The following RASGRF2 variants were observed in gnomAD, a reference collection of about 807,000 sequenced individuals.
RASGRF2 encodes Ras protein specific guanine nucleotide releasing factor 2.
A neutral mutation model predicts 151.0 loss-of-function variants in RASGRF2; 76 were observed. The observed-to-expected ratio is 0.50, with a 90% confidence interval of 0.42 to 0.61. The LOEUF (loss-of-function observed/expected upper bound fraction) is 0.61. Ranked by LOEUF, RASGRF2 falls within the 20% of genes least tolerant of loss-of-function variation. The pLI is 0.00. For synonymous variants in RASGRF2, 504 were observed against 566.5 expected (o/e 0.89, Z 1.57); for missense variants, 1,148 against 1,564.6 (o/e 0.73, Z 4.49).
intron 5 of RASGRF2, among the ~76,000 whole-genome samples, chr5:81,078,153 G>T (rs1459407954): frequency 1.3e-5 from 2 of 152,058 alleles, no homozygotes; most frequent in Non-Finnish European, 2.9e-5. Context: ...TATTTATGAG[G>T]TATATGTTAT....
chr5:81,229,107 T>G lies in RASGRF2; in HGVS notation c.*3337T>G, dbSNP rs1292843622. On this transcript the variant is annotated 3_prime_UTR_variant, in exon 27 of 27. Transcript: ENST00000265080. Reference sequence around the variant, plus strand: ...AAAGAGTAATGCAATACAGGGATTATTCCCAATAAAATTAACTTTTATTTA... The same window carrying G: ...AAAGAGTAATGCAATACAGGGATTAGTCCCAATAAAATTAACTTTTATTTA... The G allele has an allele frequency of 1.3e-5, 2 of 152,162 alleles. No individual in the cohort carries two copies. The highest frequency in any genetic ancestry group is 4.8e-5 in the African/African-American group (2 of 41,432). 9.4% of individuals were successfully genotyped at this position (152,162 alleles called of 1,614,324 possible). A position where few individuals can be genotyped will look rare whatever the true frequency, so the allele number is the denominator to read the frequency against.
At chr5:81,043,495 A>G (rs1750742544) in intron 2 of RASGRF2, among the ~76,000 whole-genome samples, 1 of 152,200 alleles carries the variant, frequency 6.6e-6, no homozygotes, top group South Asian at 2.1e-4. Context: ...TCCTCTATTT[A>G]AAGAAATAGA....
At chr5:81,060,976 A>G (rs1313031696) in intron 2 of RASGRF2, among the ~76,000 whole-genome samples, 1 of 151,910 alleles carries the variant, frequency 6.6e-6, no homozygotes, top group Non-Finnish European at 1.5e-5. Flanking sequence ...CTGTGTATAC[A>G]CTTAATTTTC....
chr5:81,100,118 A>G (rs1752660716), intron 12 of RASGRF2, among the ~76,000 whole-genome samples: 1 of 152,016 alleles, frequency 6.6e-6, no homozygotes, highest in Non-Finnish European at 1.5e-5. Flanking sequence ...CGTGTTAGCC[A>G]GGATGGTCTC....
At chr5:81,217,937 T>C (rs964174767) in intron 25 of RASGRF2, among the ~76,000 whole-genome samples, 7 of 152,046 alleles carry the variant, frequency 4.6e-5, no homozygotes, top group Admixed American at 4.6e-4. Flanking sequence ...AGAGACGGGG[T>C]TTCACTGTGT....
At chr5:81,149,610 T>C (rs1754088407) in intron 17 of RASGRF2, among the ~76,000 whole-genome samples, 2 of 151,706 alleles carry the variant, frequency 1.3e-5, no homozygotes. Context: ...CACCTGAAAC[T>C]GTTGAAATAA....
At chr5:81,195,933 G>A (rs1189484442) in intron 18 of RASGRF2, among the ~76,000 whole-genome samples, 1 of 152,160 alleles carries the variant, frequency 6.6e-6, no homozygotes, top group Non-Finnish European at 1.5e-5. Flanking sequence ...TTCCTGACTT[G>A]TCTGATGCTG....
intron 18 of RASGRF2, among the ~76,000 whole-genome samples, chr5:81,200,774 G>A (rs1755370366): frequency 6.6e-6 from 1 of 152,230 alleles, no homozygotes; most frequent in South Asian, 2.1e-4. Flanking sequence ...ATCCCACTGG[G>A]TGAATTAAGA....
intron 1 of RASGRF2, among the ~76,000 whole-genome samples, chr5:80,971,601 T>C (rs566810490): frequency 2.4e-4 from 36 of 150,746 alleles, no homozygotes; most frequent in African/African-American, 8.5e-4. Context: ...TTTCTTACTC[T>C]GTCATCCAGG....
At chr5:81,177,658 A>G (rs1754806603) in intron 17 of RASGRF2, among the ~76,000 whole-genome samples, 2 of 151,366 alleles carry the variant, frequency 1.3e-5, no homozygotes, top group Admixed American at 1.3e-4. Flanking sequence ...TGATAATCAC[A>G]TCAATAAGTG....
intron 17 of RASGRF2, among the ~76,000 whole-genome samples, chr5:81,167,309 A>C (rs1364718460): frequency 6.6e-6 from 1 of 152,194 alleles, no homozygotes; most frequent in African/African-American, 2.4e-5. Flanking sequence ...TGAGGACTGG[A>C]GGCCAACCAA....
intron 5 of RASGRF2, among the ~76,000 whole-genome samples, chr5:81,077,633 G>A (rs991917058): frequency 6.6e-6 from 1 of 152,226 alleles, no homozygotes; most frequent in Non-Finnish European, 1.5e-5. Flanking sequence ...GGAGCCTGGG[G>A]GTAGCCCTTG....
intron 1 of RASGRF2, among the ~76,000 whole-genome samples, chr5:81,041,189 C>G (rs565082590): frequency 9.9e-5 from 15 of 151,772 alleles, no homozygotes; most frequent in Non-Finnish European, 1.9e-4. Context: ...GTAATCCTAG[C>G]TACTCAGGAG....
intron 18 of RASGRF2, among the ~76,000 whole-genome samples, chr5:81,198,539 A>G (rs1462192357): frequency 1.4e-4 from 21 of 151,896 alleles, no homozygotes; most frequent in Admixed American, 1.4e-3. Flanking sequence ...TGCCGGGTTC[A>G]CACCATTCTC....
At chr5:81,156,594 GTATGAT>G (rs1478182498) in intron 17 of RASGRF2, among the ~76,000 whole-genome samples, 1 of 151,956 alleles carries the variant, frequency 6.6e-6, no homozygotes, top group Non-Finnish European at 1.5e-5. Flanking sequence ...GATAAAAACC[GTATGAT>G]TATCTTAAAA....
intron 17 of RASGRF2, among the ~76,000 whole-genome samples, chr5:81,139,424 CAG>C (rs1753831918): frequency 7.1e-6 from 1 of 140,598 alleles, no homozygotes; most frequent in Admixed American, 7.4e-5. Context: ...TTTTTTGAGA[CAG>C]AGTCTCGGTG....
rs150552124 is a variant in RASGRF2 at position 80,961,524 on chromosome 5, A to T, written c.288+498A>T. ...CAAGCGGGGCTCCCAAGCCGGACAG[A>T]CACTTTCTGTTGGTCATTTTCAATC... is the stretch of plus-strand genomic sequence containing the variant. On this transcript the variant is annotated intron_variant, in intron 1 of 26. Coordinates refer to ENST00000265080, the MANE Select transcript of RASGRF2 (RefSeq NM_006909.3). Among the ~76,000 whole-genome samples the T allele has an allele frequency of 1.8e-4, 27 of 152,290 alleles. No individual in the cohort carries two copies. In the East Asian group the frequency reaches 4.2e-3, roughly 24 times the overall value.
intron 1 of RASGRF2, among the ~76,000 whole-genome samples, chr5:81,009,301 G>T (rs2112310399): frequency 6.6e-6 from 1 of 152,278 alleles, no homozygotes; most frequent in South Asian, 2.1e-4. Context: ...ATCATATACT[G>T]CCCAGGTTAG....
intron 18 of RASGRF2, among the ~76,000 whole-genome samples, 172 bp downstream of exon 18, chr5:81,180,453 G>A (rs1754887656): frequency 6.6e-6 from 1 of 152,202 alleles, no homozygotes; most frequent in African/African-American, 2.4e-5. Context: ...GCAGACACAA[G>A]TGTCTTGCCA....
Sources: gnomAD v4.1 joint callset for allele counts (sites outside exome capture counted in the v4.1 genomes callset) on GRCh38, gnomAD v4.1.1 for gene constraint, MANE v1.5 for transcripts, NCBI Gene and HGNC (gene_info 2026-07-23, HGNC 2026-07-21) for gene names.